Variants in PLCL1 observed in about 807,000 individuals in gnomAD.
PLCL1 encodes the protein inactive phospholipase C-like protein 1.
Under a neutral mutation model 84.4 loss-of-function variants are expected in PLCL1, and 41 were observed. The observed-to-expected ratio is 0.49, with a 90% CI of 0.38 to 0.63. PLCL1 has a LOEUF of 0.63. Among genes scored for constraint, PLCL1 ranks in the 30% least tolerant of loss-of-function variants. PLCL1 has a pLI of 0.00. For synonymous variants in PLCL1, 490 were observed against 488.3 expected (o/e 1.00, Z -0.05); for missense variants, 1,206 against 1,367.8 (o/e 0.88, Z 1.87).
chr2:198,050,463 A>G (rs999791790), intron 1 of PLCL1, among the ~76,000 whole-genome samples: 2 of 152,068 alleles, frequency 1.3e-5, no homozygotes, highest in African/African-American at 4.8e-5. Context: ...GACAAAGAAG[A>G]TATCATCTAT....
At chr2:198,140,545 G>A (rs766587655) in intron 5 of PLCL1, among the ~76,000 whole-genome samples, 1 of 152,104 alleles carries the variant, frequency 6.6e-6, no homozygotes, top group Non-Finnish European at 1.5e-5. Context: ...AAGCTTGATA[G>A]GAAAGCTATT....
At chr2:197,949,924 T>C (rs901405990) in intron 1 of PLCL1, among the ~76,000 whole-genome samples, 5 of 152,092 alleles carry the variant, frequency 3.3e-5, no homozygotes, top group Non-Finnish European at 5.9e-5. Flanking sequence ...AGTGTAATGG[T>C]GGAGAATAGA....
At chr2:198,063,466 C>T (rs967077162) in intron 1 of PLCL1, among the ~76,000 whole-genome samples, 3 of 152,070 alleles carry the variant, frequency 2.0e-5, no homozygotes, top group Admixed American at 1.3e-4. Flanking sequence ...GTTTACTTTG[C>T]AAGGAGAAGA....
At chr2:197,899,915 G>A (rs1359623764) in intron 1 of PLCL1, among the ~76,000 whole-genome samples, 3 of 152,080 alleles carry the variant, frequency 2.0e-5, no homozygotes, top group African/African-American at 2.4e-5. Context: ...GATTACAGGC[G>A]TGAGCCACCG....
chr2:197,804,996 C>A lies in PLCL1; in HGVS notation c.-104C>A. The A allele has an allele frequency of 7.6e-7, 1 of 1,320,032 alleles. No homozygotes were observed. Among genetic ancestry groups the A allele is most frequent in the South Asian group, 1.6e-5 (1 of 64,138 alleles). The allele number at this position is 1,320,032 out of a possible 1,614,324, so 81.8% of individuals were successfully genotyped here. A position where few individuals can be genotyped will look rare whatever the true frequency, so the allele number is the denominator to read the frequency against. ...CCGCCGCTGGGCGGTGAAACAAAGT[C>A]TGGCGGGGCCGCCTCCCGGTGCAGG... On this transcript the variant is annotated 5_prime_UTR_variant, in exon 1 of 6. It adds an upstream start codon to the 5' untranslated region. Coordinates refer to ENST00000428675, the MANE Select transcript of PLCL1 (RefSeq NM_006226.4).
intron 1 of PLCL1, among the ~76,000 whole-genome samples, chr2:197,921,928 G>A: frequency 6.6e-6 from 1 of 150,544 alleles, no homozygotes; most frequent in East Asian, 1.9e-4. Flanking sequence ...GGTGGTGTTA[G>A]TGAAGGAAAG....
chr2:197,842,793 T>G (rs1687036713), intron 1 of PLCL1, among the ~76,000 whole-genome samples: 1 of 152,168 alleles, frequency 6.6e-6, no homozygotes, highest in Non-Finnish European at 1.5e-5. Flanking sequence ...CTTGTCAACC[T>G]CTGTCGTATA....
chr2:198,102,701 G>A (rs1310264527), intron 4 of PLCL1, among the ~76,000 whole-genome samples: 2 of 152,076 alleles, frequency 1.3e-5, no homozygotes, highest in Non-Finnish European at 2.9e-5. Context: ...ACTGAGAGAA[G>A]ACTTGAAGGG....
At chr2:197,871,084 A>T (rs1310151294) in intron 1 of PLCL1, among the ~76,000 whole-genome samples, 2 of 152,150 alleles carry the variant, frequency 1.3e-5, no homozygotes, top group Non-Finnish European at 2.9e-5. Context: ...GTCTAATGCC[A>T]TACAGAGAGG....
intron 5 of PLCL1, among the ~76,000 whole-genome samples, chr2:198,109,867 A>G (rs115413861): frequency 0.028 from 4,218 of 151,874 alleles, 188 homozygotes; most frequent in African/African-American, 0.094. Flanking sequence ...TTGTGTTTTT[A>G]AAAGTTTTAT....
At position 198,147,203 on chromosome 2, in the gene PLCL1, A is replaced by AGTGTGT. The variant is rs55930007; in HGVS notation, c.*267_*272dup. ...ACCCCTGTGTGGATGCCTGTGGAAGAGTGTGTGTGTGTGTGTGTGTGTGTG... is the reference window on the plus strand; with the variant it reads ...ACCCCTGTGTGGATGCCTGTGGAAGAGTGTGTGTGTGTGTGTGTGTGTGTGTGTGTG... On this transcript the variant is annotated 3_prime_UTR_variant, in exon 6 of 6. Coordinates refer to ENST00000428675, the MANE Select transcript of PLCL1 (RefSeq NM_006226.4). 0.29 allele frequency: 54,036 copies of AGTGTGT among 187,138 alleles called. 7,675 individuals are homozygous for AGTGTGT. Among genetic ancestry groups the AGTGTGT allele is most frequent in the Middle Eastern group, 0.38 (192 of 512 alleles). The allele number at this position is 187,138 out of a possible 1,614,324, so 11.6% of individuals were successfully genotyped here.
intron 1 of PLCL1, among the ~76,000 whole-genome samples, chr2:197,833,067 G>A (rs112315330): frequency 6.6e-4 from 101 of 152,316 alleles, no homozygotes; most frequent in African/African-American, 2.3e-3. Flanking sequence ...GCTAGGCATG[G>A]TGACATGTGC....
intron 1 of PLCL1, among the ~76,000 whole-genome samples, chr2:197,933,571 AG>A (rs1293542809): frequency 3.3e-5 from 5 of 152,214 alleles, no homozygotes; most frequent in African/African-American, 1.2e-4. Flanking sequence ...ATATTAGTTA[AG>A]GAAAAGGCTG....
chr2:197,986,799 T>C (rs1044321405), intron 1 of PLCL1, among the ~76,000 whole-genome samples: 10 of 152,238 alleles, frequency 6.6e-5, no homozygotes, highest in African/African-American at 2.2e-4. Flanking sequence ...AGTTAGACAA[T>C]ACAATCATCA....
In PLCL1 at chr2:198,083,835, CA is replaced by C. The variant is rs755771403; in HGVS notation, c.319del (p.Ser107ValfsTer15). ...GCATGCCATCGGAAAAGAAAATTAG[CA>C]GTGCAAATGACTGCATCAGCTTCAT... The part of the protein sequence containing the change: ...SSMPSEKKIS[S>X]ANDCISFMQA... On this transcript the variant is annotated frameshift_variant, in exon 2 of 6. Coordinates refer to ENST00000428675, the MANE Select transcript of PLCL1 (RefSeq NM_006226.4). LOFTEE classifies it high-confidence loss of function. The C allele has an allele frequency of 2.5e-6, 4 of 1,611,852 alleles. No homozygotes were observed. The highest frequency in any genetic ancestry group is 3.4e-6 in the Non-Finnish European group (4 of 1,179,040).
At chr2:198,038,422 T>C (rs1463916790) in intron 1 of PLCL1, among the ~76,000 whole-genome samples, 1 of 152,052 alleles carries the variant, frequency 6.6e-6, no homozygotes, top group African/African-American at 2.4e-5. Context: ...TCCCTGGGAG[T>C]GGTCCATATA....
intron 1 of PLCL1, among the ~76,000 whole-genome samples, chr2:197,865,296 A>G (rs896348286): frequency 6.6e-6 from 1 of 152,318 alleles, no homozygotes; most frequent in Admixed American, 6.5e-5. Context: ...GTTGTATATT[A>G]TAAGGAGCAT....
intron 1 of PLCL1, among the ~76,000 whole-genome samples, chr2:198,010,220 G>A (rs1690835082): frequency 6.6e-6 from 1 of 151,992 alleles, no homozygotes; most frequent in Admixed American, 6.6e-5. Context: ...GTCGTGGCAA[G>A]AGTGGGCATC....
chr2:197,931,311 G>C (rs1688926594), intron 1 of PLCL1, among the ~76,000 whole-genome samples: 1 of 152,148 alleles, frequency 6.6e-6, no homozygotes, highest in Non-Finnish European at 1.5e-5. Context: ...TTCTGGAATA[G>C]TTGCTATCAT....
Sources: gnomAD v4.1 joint callset for allele counts (sites outside exome capture counted in the v4.1 genomes callset) on GRCh38, gnomAD v4.1.1 for gene constraint, MANE v1.5 for transcripts, NCBI Gene and HGNC (gene_info 2026-07-23, HGNC 2026-07-21) for gene names.